EVA1C: variants seen among roughly 807,000 people sequenced by gnomAD.
EVA1C encodes eva-1 homolog C.
Under a neutral mutation model 45.4 loss-of-function variants are expected in EVA1C, and 25 were observed. The observed-to-expected ratio is 0.55, with a 90% CI of 0.40 to 0.77. The LOEUF (loss-of-function observed/expected upper bound fraction) is 0.77. EVA1C is among the 30% of genes least tolerant of loss of function. The pLI is 0.00. For missense variants in EVA1C, 479 were observed against 554.8 expected (o/e 0.86, Z 1.37); for synonymous variants, 190 against 221.2 (o/e 0.86, Z 1.25).
intron 4 of EVA1C, among the ~76,000 whole-genome samples, chr21:32,490,911 G>C (rs2037132196): frequency 6.6e-6 from 1 of 152,232 alleles, no homozygotes; most frequent in African/African-American, 2.4e-5. Context: ...AAGGGATGGA[G>C]GTTATAACCT....
intron 1 of EVA1C, among the ~76,000 whole-genome samples, chr21:32,423,772 C>T (rs2833804): frequency 0.38 from 58,400 of 151,908 alleles, 11,857 homozygotes; most frequent in African/African-American, 0.51. Flanking sequence ...GCTTAGGGTT[C>T]GTTTCAATCT....
chr21:32,465,626 T>TAG (rs2036144867), intron 3 of EVA1C, among the ~76,000 whole-genome samples: 1 of 152,124 alleles, frequency 6.6e-6, no homozygotes. Flanking sequence ...CAAAATATAG[T>TAG]AGCTGGGATT....
intron 1 of EVA1C, among the ~76,000 whole-genome samples, chr21:32,442,228 A>G (rs1278400179): frequency 1.3e-5 from 2 of 152,206 alleles, no homozygotes; most frequent in Non-Finnish European, 2.9e-5. Flanking sequence ...AAGAGTTGTC[A>G]TAGCTATCCT....
chr21:32,453,133 G>C, intron 1 of EVA1C, 179 bp from the exon 2 acceptor site: 1 of 517,308 alleles, frequency 1.9e-6, no homozygotes, highest in South Asian at 3.5e-5. Flanking sequence ...ATTGGCTCCT[G>C]TGCCCCACCT....
At chr21:32,476,939 A>G (rs546184416) in intron 4 of EVA1C, among the ~76,000 whole-genome samples, 10 of 152,050 alleles carry the variant, frequency 6.6e-5, no homozygotes, top group Non-Finnish European at 1.3e-4. Context: ...GCTGGTCCCA[A>G]CTGAACTGCA....
intron 3 of EVA1C, among the ~76,000 whole-genome samples, chr21:32,459,569 C>A (rs373767168): frequency 2.0e-5 from 3 of 151,966 alleles, no homozygotes; most frequent in African/African-American, 7.2e-5. Flanking sequence ...TGGCTGGGGG[C>A]GGTGGCTCAT....
intron 4 of EVA1C, among the ~76,000 whole-genome samples, chr21:32,486,808 TC>T (rs2036985700): frequency 6.6e-6 from 1 of 152,220 alleles, no homozygotes; most frequent in African/African-American, 2.4e-5. Context: ...CTTATGTTTT[TC>T]TCCTCTGTCC....
At chr21:32,504,957 C>T (rs754838871) in intron 7 of EVA1C, among the ~76,000 whole-genome samples, 3 of 151,884 alleles carry the variant, frequency 2.0e-5, no homozygotes, top group East Asian at 1.9e-4. Flanking sequence ...AGCAAAGTCA[C>T]GTCTTACTTG....
At chr21:32,441,717 G>A (rs1310018520) in intron 1 of EVA1C, among the ~76,000 whole-genome samples, 3 of 152,148 alleles carry the variant, frequency 2.0e-5, no homozygotes, top group African/African-American at 7.2e-5. Flanking sequence ...AATATATGGG[G>A]GGAAATTATG....
At chr21:32,495,194 T>A (rs2037307529) in intron 5 of EVA1C, 24 bp downstream of exon 5, 1 of 1,610,814 alleles carries the variant, frequency 6.2e-7, no homozygotes, top group Non-Finnish European at 8.5e-7. Flanking sequence ...CCCGACCAGC[T>A]GCCTGATGAC....
chr21:32,423,099 G>T (rs2034352513), intron 1 of EVA1C, among the ~76,000 whole-genome samples: 2 of 107,666 alleles, frequency 1.9e-5, no homozygotes, highest in African/African-American at 3.7e-5. Context: ...AAAAAAAATG[G>T]TGGACAAAGA....
chr21:32,453,010 G>A (rs776400771), intron 1 of EVA1C: 2 of 304,256 alleles, frequency 6.6e-6, no homozygotes, highest in Non-Finnish European at 1.2e-5. Context: ...AGGAGTGCCT[G>A]TTCTCACTAA....
At chr21:32,434,165 G>A (rs544480307) in intron 1 of EVA1C, among the ~76,000 whole-genome samples, 441 of 151,912 alleles carry the variant, frequency 2.9e-3, no homozygotes, top group South Asian at 5.8e-3. Context: ...GCATAGTGGC[G>A]GGCACCTGTA....
At chr21:32,459,288 A>G (rs2035908396) in intron 3 of EVA1C, among the ~76,000 whole-genome samples, 1 of 152,152 alleles carries the variant, frequency 6.6e-6, no homozygotes, top group South Asian at 2.1e-4. Flanking sequence ...CCAGCCATTC[A>G]GAACCGCCTG....
intron 4 of EVA1C, among the ~76,000 whole-genome samples, chr21:32,478,309 C>T (rs774305268): frequency 2.0e-4 from 31 of 152,214 alleles, no homozygotes; most frequent in African/African-American, 4.6e-4. Context: ...ACCTCCGCCT[C>T]CCAGGTTCAA....
intron 4 of EVA1C, among the ~76,000 whole-genome samples, chr21:32,494,738 T>C (rs1159250781): frequency 2.0e-5 from 3 of 148,722 alleles, no homozygotes; most frequent in Non-Finnish European, 4.4e-5. Context: ...ACTGAGATCG[T>C]GCCATTGCAC....
At chr21:32,506,877 G>A (rs1234943313) in intron 7 of EVA1C, among the ~76,000 whole-genome samples, 4 of 152,188 alleles carry the variant, frequency 2.6e-5, no homozygotes, top group Non-Finnish European at 4.4e-5. Flanking sequence ...TGTGACCCAC[G>A]GGATGAGCTG....
chr21:32,491,645 C>T (rs2037160876), intron 4 of EVA1C, among the ~76,000 whole-genome samples: 1 of 139,722 alleles, frequency 7.2e-6, no homozygotes, highest in Non-Finnish European at 1.5e-5. Flanking sequence ...GACTGCACCA[C>T]TGCACTCCAG....
intron 1 of EVA1C, among the ~76,000 whole-genome samples, chr21:32,438,983 C>T (rs988262029): frequency 3.9e-5 from 6 of 152,058 alleles, no homozygotes; most frequent in African/African-American, 1.4e-4. Context: ...TGCCTGTAAT[C>T]CCAGCACTTT....
Sources: allele counts gnomAD v4.1 joint callset (sites outside exome capture counted in the v4.1 genomes callset), GRCh38; gene constraint gnomAD v4.1.1; transcripts MANE v1.5; gene names NCBI Gene and HGNC (gene_info 2026-07-23, HGNC 2026-07-21).